The following TRIM29 variants were observed in gnomAD, a reference collection of about 807,000 sequenced individuals.
TRIM29 encodes the protein tripartite motif-containing protein 29.
A neutral mutation model predicts 57.3 loss-of-function variants in TRIM29; 52 were observed. The observed-to-expected ratio is 0.91, with a 90% confidence interval of 0.73 to 1.14. The LOEUF is 1.14. TRIM29 is among the 50% of genes most tolerant of loss of function. The pLI is 0.00. For missense variants in TRIM29, 753 were observed against 774.6 expected, an observed-to-expected ratio of 0.97 and a Z score of 0.33; for synonymous variants, 319 against 316.9, an observed-to-expected ratio of 1.01 and a Z score of -0.07.
intron 7 of TRIM29, chr11:120,117,927 G>C (rs1863316967): frequency 2.4e-6 from 1 of 416,020 alleles, no homozygotes; most frequent in South Asian, 2.5e-5. Flanking sequence ...GAGAGGTCGA[G>C]TGCAGGGGGT....
intron 1 of TRIM29, among the ~76,000 whole-genome samples, chr11:120,131,975 T>C (rs573512750): frequency 1.3e-5 from 2 of 151,048 alleles, no homozygotes; most frequent in South Asian, 4.3e-4. Context: ...AACCGAGGCC[T>C]ATAAAGATTA....
intron 6 of TRIM29, among the ~76,000 whole-genome samples, chr11:120,119,335 C>T (rs1251200433): frequency 6.6e-6 from 1 of 152,158 alleles, no homozygotes; most frequent in East Asian, 1.9e-4. Flanking sequence ...TCCTTAGCAG[C>T]CTGTGGGGAG....
At chr11:120,127,255 G>A in intron 3 of TRIM29, 81 bp downstream of exon 3, 1 of 1,205,228 alleles carries the variant, frequency 8.3e-7, no homozygotes. Flanking sequence ...GTGGATAGGT[G>A]GATGGATGGA....
chr11:120,129,182 G>C (rs1164253176), intron 1 of TRIM29, among the ~76,000 whole-genome samples: 1 of 152,162 alleles, frequency 6.6e-6, no homozygotes, highest in African/African-American at 2.4e-5. Flanking sequence ...AGACTGTTGG[G>C]GTCTGGGGTG....
chr11:120,129,949 A>G (rs1360091197), intron 1 of TRIM29, among the ~76,000 whole-genome samples: 1 of 152,186 alleles, frequency 6.6e-6, no homozygotes, highest in Non-Finnish European at 1.5e-5. Context: ...GATGGAAAAG[A>G]GGACCTAAGG....
intron 8 of TRIM29, chr11:120,113,490 C>CTGCG: frequency 2.7e-6 from 1 of 376,240 alleles, no homozygotes; most frequent in South Asian, 1.9e-5. Context: ...CTCCCATGCC[C>CTGCG]TGCAGATCCC....
chr11:120,126,137 T>G, intron 3 of TRIM29: 1 of 517,414 alleles, frequency 1.9e-6, no homozygotes, highest in Non-Finnish European at 3.5e-6. Flanking sequence ...TGGGTGCATC[T>G]GTTTACCTCA....
At chr11:120,119,145 A>G (rs563000879) in intron 6 of TRIM29, among the ~76,000 whole-genome samples, 168 of 152,324 alleles carry the variant, frequency 1.1e-3, no homozygotes, top group African/African-American at 3.9e-3. Context: ...CTATGTGCAG[A>G]CATGTTCTAT....
In TRIM29 at chr11:120,137,587, G is replaced by A. The variant is rs1270148702; in HGVS notation, c.445C>T (p.Arg149Trp). Residue 149 changes from arginine to tryptophan, a missense_variant, in exon 1 of 9, where the codon CGG becomes TGG. Arg to Trp is a moderately radical substitution (Grantham distance 101). Transcript: ENST00000341846. This position sits in a 1 kb window ranked among gnomAD's most constrained non-coding sequence, Gnocchi z 6.2. The part of the protein sequence containing the change: ...TVSIMEPGET[R>W]RNSYPRADTG... ...TCGGCCCGGGGGTAGCTGTTCCGCC[G>A]GGTCTCCCCGGGCTCCATGATGGAC... 2 of 1,612,848 alleles carry A rather than the reference G, an allele frequency of 1.2e-6. No individual in the cohort carries two copies. Among genetic ancestry groups the A allele is most frequent in the African/African-American group, 1.3e-5 (1 of 74,878 alleles).
At position 120,112,122 on chromosome 11, in the gene TRIM29, G is replaced by A. The variant is rs1045322482; in HGVS notation, c.*292C>T. ...TCCAGCCCGAGAGGAGGAGGCTGGC[G>A]GGTTAGGGCAGGCCCCAACCTATCT... On this transcript the variant is annotated 3_prime_UTR_variant, in exon 9 of 9. Transcript: ENST00000341846. 1.6e-4 allele frequency: 61 copies of A among 384,010 alleles called. No homozygotes were observed. Among genetic ancestry groups the A allele is most frequent in the Non-Finnish European group, 2.3e-4 (48 of 208,310 alleles). The allele number at this position is 384,010 out of a possible 1,614,324, so 23.8% of individuals were successfully genotyped here.
At chr11:120,112,908 C>T (rs1312017781) in intron 8 of TRIM29, among the ~76,000 whole-genome samples, 1 of 152,168 alleles carries the variant, frequency 6.6e-6, no homozygotes, top group African/African-American at 2.4e-5. Flanking sequence ...TTACTATTAT[C>T]ATATTCAATT....
intron 5 of TRIM29, among the ~76,000 whole-genome samples, chr11:120,122,562 C>T (rs536004860): frequency 7.8e-4 from 119 of 152,274 alleles, no homozygotes; most frequent in African/African-American, 2.8e-3. Flanking sequence ...CAGGGCTCAG[C>T]CCCTACAAAA....
intron 8 of TRIM29, chr11:120,113,663 A>G: frequency 2.2e-6 from 1 of 456,200 alleles, no homozygotes; most frequent in South Asian, 1.5e-5. Flanking sequence ...CACCTATTAA[A>G]CAAAGGAAGA....
intron 3 of TRIM29, among the ~76,000 whole-genome samples, chr11:120,126,551 G>T (rs1863595227): frequency 6.6e-6 from 1 of 152,056 alleles, no homozygotes; most frequent in Admixed American, 6.6e-5. Flanking sequence ...GCCCACAGTG[G>T]TATTTCAACT....
chr11:120,114,011 T>C (rs1256015281), intron 8 of TRIM29, among the ~76,000 whole-genome samples: 1 of 152,104 alleles, frequency 6.6e-6, no homozygotes, highest in Non-Finnish European at 1.5e-5. Context: ...ATGGGAAAAC[T>C]GAGGCACAAA....
rs552794494 is a variant in TRIM29 at position 120,138,099 on chromosome 11, G to A, written c.-68C>T. The stretch of plus-strand genomic sequence containing the variant: ...AGGATAGGTGACCTTTCTGGCAGGC[G>A]TCTCGGCAGGGAGTGGGGCAGGCAA... On this transcript the variant is annotated 5_prime_UTR_variant, in exon 1 of 9. The change creates a new upstream start codon in the 5' untranslated region. Coordinates refer to ENST00000341846, the MANE Select transcript of TRIM29 (RefSeq NM_012101.4). 4 of 1,466,586 alleles carry A rather than the reference G, an allele frequency of 2.7e-6. No individual in the cohort carries two copies. In the Admixed American group the frequency reaches 7.3e-5, roughly 27 times the overall value. The allele number at this position is 1,466,586 out of a possible 1,614,324, so 90.8% of individuals were successfully genotyped here.
intron 1 of TRIM29, among the ~76,000 whole-genome samples, chr11:120,136,647 C>T (rs1473899036): frequency 1.3e-5 from 2 of 152,052 alleles, no homozygotes; most frequent in East Asian, 1.9e-4. Context: ...AGCCACTGTA[C>T]GACAATAAAA....
intron 4 of TRIM29, 105 bp downstream of exon 4, chr11:120,125,586 C>T (rs909982693): frequency 2.2e-5 from 27 of 1,254,910 alleles, no homozygotes; most frequent in Non-Finnish European, 2.8e-5. Flanking sequence ...TGGGTGGGAA[C>T]AATGAGAAGA....
intron 8 of TRIM29, among the ~76,000 whole-genome samples, chr11:120,114,916 C>T (rs116746865): frequency 5.3e-5 from 8 of 152,266 alleles, no homozygotes; most frequent in African/African-American, 1.7e-4. Flanking sequence ...ACCCCAATGG[C>T]CTCTATGCTG....
Sources: gnomAD v4.1 joint callset for allele counts (sites outside exome capture counted in the v4.1 genomes callset) on GRCh38, gnomAD v4.1.1 for gene constraint, Gnocchi (gnomAD v3.1) non-coding constraint, MANE v1.5 for transcripts, NCBI Gene and HGNC (gene_info 2026-07-23, HGNC 2026-07-21) for gene names.